SLC35D2: variants seen among roughly 807,000 people sequenced by gnomAD.
SLC35D2 encodes the protein solute carrier family 35 member D2.
SLC35D2 carries 43 observed loss-of-function variants against 41.8 expected under a neutral mutation model. The ratio of observed to expected loss-of-function variants is 1.03; its 90% CI spans 0.81 to 1.33. SLC35D2 has a LOEUF of 1.33. Among genes scored for constraint, SLC35D2 ranks in the 40% most tolerant of loss-of-function variants. The pLI, the probability that SLC35D2 is intolerant of heterozygous loss-of-function variation, is 0.00. For synonymous variants in SLC35D2, 150 were observed against 163.9 expected, an observed-to-expected ratio of 0.92 and a Z score of 0.65; for missense variants, 380 against 408.4, an observed-to-expected ratio of 0.93 and a Z score of 0.60.
intron 4 of SLC35D2, among the ~76,000 whole-genome samples, chr9:96,356,217 A>G (rs1019401284): frequency 6.6e-6 from 1 of 152,214 alleles, no homozygotes; most frequent in Non-Finnish European, 1.5e-5. Flanking sequence ...CACCAGATGC[A>G]GATGCTGGCG....
At chr9:96,325,643 G>A (rs952305948) in intron 9 of SLC35D2, among the ~76,000 whole-genome samples, 2 of 152,180 alleles carry the variant, frequency 1.3e-5, no homozygotes, top group Non-Finnish European at 2.9e-5. Context: ...CTGCACTCCA[G>A]CCTGGGTGAC....
Position 96,326,367 on chromosome 9 carries a change from T to A in SLC35D2, c.753-2198A>T, listed in dbSNP as rs114350942. Among the ~76,000 whole-genome samples the A allele has an allele frequency of 5.3e-3, 809 of 152,350 alleles. 9 individuals carry two copies. Among genetic ancestry groups the A allele is most frequent in the African/African-American group, 0.018 (745 of 41,576 alleles). On this transcript the variant is annotated intron_variant, in intron 9 of 11. Transcript: ENST00000253270. ...TAAATGGAACTGATTTACAGTACAT[T>A]GTTTAGGGGATTTTAATCAGCTAAA...
In SLC35D2 at chr9:96,383,703, G is replaced by A; in HGVS notation, c.-69C>T. ...CGCACTGGTCCCGCCCGGCCGGGCCGGGGAAGAGGGCGCGGCAGGAACAGG... is the reference window on the plus strand; with the variant it reads ...CGCACTGGTCCCGCCCGGCCGGGCCAGGGAAGAGGGCGCGGCAGGAACAGG... On this transcript the variant is annotated 5_prime_UTR_variant, in exon 1 of 12. Transcript: ENST00000253270. 1.1e-6 allele frequency: 1 copy of A among 914,438 alleles called. No individual in the cohort carries two copies. The highest frequency in any genetic ancestry group is 1.3e-6 in the Non-Finnish European group (1 of 763,756). 56.6% of individuals were successfully genotyped at this position (914,438 alleles called of 1,614,324 possible).
At position 96,321,204 on chromosome 9, in the gene SLC35D2, G is replaced by T; in HGVS notation, c.*38C>A. ...CCTACTGGGAATGCCCCCCCAGCCC[G>T]CAGTCACAAGTCAGTCTCCAATCCT... On this transcript the variant is annotated 3_prime_UTR_variant, in exon 12 of 12. Coordinates refer to ENST00000253270, the MANE Select transcript of SLC35D2 (RefSeq NM_007001.3). 1.4e-6 allele frequency: 2 copies of T among 1,472,830 alleles called. No individual in the cohort carries two copies. The highest frequency in any genetic ancestry group is 1.9e-6 in the Non-Finnish European group (2 of 1,054,962). 91.2% of individuals were successfully genotyped at this position (1,472,830 alleles called of 1,614,324 possible). A position where few individuals can be genotyped will look rare whatever the true frequency, so the allele number is the denominator to read the frequency against.
intron 1 of SLC35D2, among the ~76,000 whole-genome samples, chr9:96,370,728 A>G (rs1007169774): frequency 1.3e-5 from 2 of 152,212 alleles, no homozygotes; most frequent in African/African-American, 4.8e-5. Flanking sequence ...AGATAAGTCA[A>G]AGAGCCCAGC....
chr9:96,367,370 A>G (rs182114035), intron 2 of SLC35D2, among the ~76,000 whole-genome samples: 1,609 of 152,316 alleles, frequency 0.011, 8 homozygotes, highest in Non-Finnish European at 0.017. Flanking sequence ...CAAACAAACA[A>G]AAAACATTGG....
chr9:96,348,858 C>T (rs13291829), intron 6 of SLC35D2, among the ~76,000 whole-genome samples: 3,997 of 152,288 alleles, frequency 0.026, 78 homozygotes, highest in Middle Eastern at 0.058. Flanking sequence ...GTTCTGGAAA[C>T]GCACCTGCAT....
Position 96,365,984 on chromosome 9 carries a change from G to A in SLC35D2, c.193-1434C>T, listed in dbSNP as rs145696288. Among the ~76,000 whole-genome samples the A allele has an allele frequency of 2.8e-3, 423 of 152,052 alleles. 1 individual carries two copies. Among genetic ancestry groups the A allele is most frequent in the African/African-American group, 9.9e-3 (410 of 41,488 alleles). On this transcript the variant is annotated intron_variant, in intron 2 of 11. Transcript: ENST00000253270. The stretch of plus-strand genomic sequence containing the variant: ...AATTATAACTGTACTTTGTACTTAC[G>A]CCTCACATTATAATTCTTAAAGAAA...
intron 4 of SLC35D2, among the ~76,000 whole-genome samples, chr9:96,353,499 C>A (rs1829898482): frequency 6.6e-6 from 1 of 152,070 alleles, no homozygotes; most frequent in African/African-American, 2.4e-5. Flanking sequence ...GATTACACTA[C>A]CACGCCCAGC....
chr9:96,335,105 C>T (rs570105434), intron 9 of SLC35D2, among the ~76,000 whole-genome samples: 1 of 152,294 alleles, frequency 6.6e-6, no homozygotes, highest in Admixed American at 6.5e-5. Flanking sequence ...TGTTCATTTA[C>T]ACAGAATGAA....
intron 2 of SLC35D2, among the ~76,000 whole-genome samples, chr9:96,367,730 C>T (rs917244554): frequency 6.6e-6 from 1 of 151,378 alleles, no homozygotes; most frequent in Admixed American, 6.6e-5. Flanking sequence ...GGCAGTGAGT[C>T]GACATTGTGC....
intron 9 of SLC35D2, among the ~76,000 whole-genome samples, chr9:96,327,009 C>T (rs560716510): frequency 6.6e-6 from 1 of 152,248 alleles, no homozygotes; most frequent in Non-Finnish European, 1.5e-5. Context: ...CAGCACCTGC[C>T]CCGGAGCCAC....
chr9:96,379,984 G>A (rs1004809905), intron 1 of SLC35D2, among the ~76,000 whole-genome samples: 7 of 144,938 alleles, frequency 4.8e-5, no homozygotes, highest in South Asian at 2.4e-4. Context: ...CACAACCTCC[G>A]CCTCCCAGGT....
chr9:96,382,496 C>CACACACTCTATATATATATATATATATA (rs200897475), intron 1 of SLC35D2, among the ~76,000 whole-genome samples: 2 of 127,914 alleles, frequency 1.6e-5, no homozygotes, highest in African/African-American at 5.9e-5. Flanking sequence ...CACACACACA[C>CACACACTCTATATATATATATATATATA]TATATATATA....
chr9:96,319,010 T>A (rs1388792610), downstream of SLC35D2, among the ~76,000 whole-genome samples: 1 of 152,128 alleles, frequency 6.6e-6, no homozygotes, highest in African/African-American at 2.4e-5. Flanking sequence ...CTATTCCACT[T>A]CTAGGCATAT....
At chr9:96,326,735 G>A (rs768400949) in intron 9 of SLC35D2, among the ~76,000 whole-genome samples, 7 of 151,812 alleles carry the variant, frequency 4.6e-5, no homozygotes, top group Non-Finnish European at 8.8e-5. Flanking sequence ...GAGCCTGAGA[G>A]GCGGAGGTTG....
intron 8 of SLC35D2, among the ~76,000 whole-genome samples, chr9:96,339,733 A>T (rs919432011): frequency 1.3e-4 from 20 of 152,152 alleles, no homozygotes; most frequent in Non-Finnish European, 2.1e-4. Flanking sequence ...AATACTAAAG[A>T]AAGTTCACCC....
chr9:96,365,319 A>T (rs186166101), intron 2 of SLC35D2, among the ~76,000 whole-genome samples: 1 of 152,146 alleles, frequency 6.6e-6, no homozygotes, highest in Non-Finnish European at 1.5e-5. Flanking sequence ...TGATCATGCC[A>T]CTGCACTCCA....
chr9:96,324,329 A>G (rs572556943), intron 9 of SLC35D2, among the ~76,000 whole-genome samples, 160 bp from the exon 10 acceptor site: 5 of 152,200 alleles, frequency 3.3e-5, no homozygotes, highest in Non-Finnish European at 5.9e-5. Flanking sequence ...ATATGTTGCT[A>G]TTGGTCTTAT....
Sources: gnomAD v4.1 joint callset for allele counts (sites outside exome capture counted in the v4.1 genomes callset) on GRCh38, gnomAD v4.1.1 for gene constraint, MANE v1.5 for transcripts, NCBI Gene and HGNC (gene_info 2026-07-23, HGNC 2026-07-21) for gene names.